The following CCDC157 variants were observed in gnomAD, a reference collection of about 807,000 sequenced individuals.
CCDC157 encodes the protein coiled-coil domain-containing protein 157.
A neutral mutation model predicts 70.9 loss-of-function variants in CCDC157; 60 were observed. The ratio of observed to expected loss-of-function variants is 0.85; its 90% confidence interval spans 0.69 to 1.05. The LOEUF is 1.05. CCDC157 is among the 50% of genes least tolerant of loss of function. The probability of loss-of-function intolerance (pLI) is 0.00; values close to 1 mark genes in which losing one functional copy is unlikely to be tolerated. For synonymous variants in CCDC157, 373 were observed against 422.4 expected, an observed-to-expected ratio of 0.88 and a Z score of 1.43; for missense variants, 943 against 984.2, an observed-to-expected ratio of 0.96 and a Z score of 0.56.
intron 5 of CCDC157, chr22:30,371,423 C>T (rs1302744493): frequency 1.1e-5 from 6 of 566,480 alleles, no homozygotes; most frequent in African/African-American, 7.5e-5. Flanking sequence ...CCTCCATGGA[C>T]GACACCAAGG....
chr22:30,364,883 T>A (rs561743879), intron 2 of CCDC157, among the ~76,000 whole-genome samples: 1 of 152,310 alleles, frequency 6.6e-6, no homozygotes, highest in Non-Finnish European at 1.5e-5. Context: ...CAATAGGTCT[T>A]AATGCAAGTT....
chr22:30,357,954 A>G (rs1433856013), intron 1 of CCDC157, among the ~76,000 whole-genome samples: 1 of 152,072 alleles, frequency 6.6e-6, no homozygotes, highest in African/African-American at 2.4e-5. Flanking sequence ...ATGAGCCATC[A>G]CGCAGGGCTG....
rs750630868 is a variant in CCDC157, at chr22:30,376,745, G to A, written c.2259G>A (p.Ter753=). Residue 753 remains the stop codon, a stop_retained_variant, in exon 12 of 12, where the codon TAG becomes TAA. Transcript: ENST00000338306. The part of the protein sequence containing the change: ...SAHQPQERPM[*] ...ACCAGCCCCAGGAGCGGCCCATGTA[G>A]CCTGTGGCCCAGGGCTGAGGCTGGA... 13 of 1,609,810 alleles carry A rather than the reference G, an allele frequency of 8.1e-6. No homozygotes were observed. Among genetic ancestry groups the A allele is most frequent in the Non-Finnish European group, 1.1e-5 (13 of 1,177,636 alleles).
In CCDC157 at chr22:30,369,432, G is replaced by C. The variant is rs770994150; in HGVS notation, c.249G>C (p.Arg83Ser). ...AGCAACCTAGCATCTCTGCCCGCAG[G>C]CTCCTGCTGCTGCTTCAAAGCTGTA... ...HAVLLELVID[R>S]LLLLLQSCMS... The change falls in exon 4 of 12, where the codon AGG becomes AGC. Residue 83 changes from arginine (R) to serine (S), a missense_variant and splice_region_variant. Transcript: ENST00000338306. The C allele has an allele frequency of 3.8e-5, 58 of 1,511,672 alleles. No individual in the cohort carries two copies. The highest frequency in any genetic ancestry group is 5.1e-5 in the Non-Finnish European group (57 of 1,123,700). The allele number at this position is 1,511,672 out of a possible 1,614,324, so 93.6% of individuals were successfully genotyped here. A position where few individuals can be genotyped will look rare whatever the true frequency, so the allele number is the denominator to read the frequency against.
In CCDC157 at chr22:30,366,520, C is replaced by A. The variant is rs976510535; in HGVS notation, c.248+272C>A. The stretch of plus-strand genomic sequence containing the variant: ...TCCATTCCATCGGTCTCTGTGGCAC[C>A]ACAGCTGTGACCACGGTCTCTCAGC... On this transcript the variant is annotated intron_variant, in intron 3 of 11. Coordinates refer to ENST00000338306, the MANE Select transcript of CCDC157 (RefSeq NM_001017437.5). 7.6e-6 allele frequency: 4 copies of A among 524,174 alleles called. No individual in the cohort carries two copies. In the African/African-American group the frequency reaches 7.7e-5, roughly 10 times the overall value. 32.5% of individuals were successfully genotyped at this position (524,174 alleles called of 1,614,324 possible).
chr22:30,360,737 C>G (rs1249883043), intron 1 of CCDC157, among the ~76,000 whole-genome samples: 1 of 151,890 alleles, frequency 6.6e-6, no homozygotes, highest in Non-Finnish European at 1.5e-5. Flanking sequence ...TATGGTGAAA[C>G]CCTGCCTCTA....
rs762811184 is a variant in CCDC157 at position 30,370,858 on chromosome 22, T to G, written c.953T>G (p.Leu318Arg). ...CAGGCGGGCAAGCTGGAGCAGGCGC[T>G]GAAACAGGAGCAGGGGGCACGGCGG... Reference protein sequence around the residue: ...RKQAGKLEQALKQEQGARRRQ... With the variant: ...RKQAGKLEQARKQEQGARRRQ... Residue 318 changes from leucine to arginine, a missense_variant, in exon 5 of 12, where the codon CTG (leucine) becomes CGG (arginine). Coordinates refer to ENST00000338306, the MANE Select transcript of CCDC157 (RefSeq NM_001017437.5). The G allele has an allele frequency of 6.2e-7, 1 of 1,612,296 alleles. No individual in the cohort carries two copies. Among genetic ancestry groups the G allele is most frequent in the South Asian group, 1.1e-5 (1 of 91,020 alleles).
intron 4 of CCDC157, 149 bp downstream of exon 4, chr22:30,369,752 GC>G: frequency 1.6e-6 from 1 of 607,374 alleles, no homozygotes; most frequent in Non-Finnish European, 2.6e-6. Flanking sequence ...TCCCAATCAA[GC>G]CCCACACAGT....
rs753290167 is a variant in CCDC157, at chr22:30,376,619, G to A, written c.2133G>A (p.Glu711=). The A allele has an allele frequency of 2.5e-6, 4 of 1,613,816 alleles. No homozygotes were observed. The Admixed American group carries it at 6.7e-5, about 27-fold the overall frequency. Residue 711 remains glutamate, a synonymous_variant, in exon 12 of 12, where the codon GAG becomes GAA. Transcript: ENST00000338306. ...GCCAGCCCAGCAAGTCCTTGCTGGAGGGTGTGACCCACTTGGACACCTGCA... is the reference window on the plus strand; with the variant it reads ...GCCAGCCCAGCAAGTCCTTGCTGGAAGGTGTGACCCACTTGGACACCTGCA... The part of the protein sequence containing the change: ...PCSQPSKSLL[E]GVTHLDTCTQ...
chr22:30,370,775 G>A lies in CCDC157; in HGVS notation c.870G>A (p.Val290=), dbSNP rs765243365. Residue 290 remains valine (V), a synonymous_variant, in exon 5 of 12, where the codon GTG becomes GTA. Transcript: ENST00000338306. The part of the protein sequence containing the change: ...RKDLTRLSKH[V]EALRAQLEEA... ...ACCTGACGCGCCTCAGTAAGCATGT[G>A]GAGGCCCTCAGGGCCCAGCTGGAGG... 30 of 1,613,478 alleles carry A rather than the reference G, an allele frequency of 1.9e-5. No homozygotes were observed. The highest frequency in any genetic ancestry group is 2.5e-5 in the Non-Finnish European group (29 of 1,180,008).
At chr22:30,363,276 G>A (rs951568844) in intron 2 of CCDC157, among the ~76,000 whole-genome samples, 9 of 152,210 alleles carry the variant, frequency 5.9e-5, no homozygotes, top group African/African-American at 2.2e-4. Flanking sequence ...GCAGAAGATG[G>A]ACCAGAAGCA....
chr22:30,376,810 C>A lies in CCDC157; in HGVS notation c.*65C>A. On this transcript the variant is annotated 3_prime_UTR_variant, in exon 12 of 12. Transcript: ENST00000338306. ...CAGCCCACCCACTGTAATAAAGCCC[C>A]AGCCATTGGCCCACAGCAATCTTTG... The A allele has an allele frequency of 6.8e-7, 1 of 1,461,908 alleles. No individual in the cohort carries two copies. Among genetic ancestry groups the A allele is most frequent in the South Asian group, 1.2e-5 (1 of 80,388 alleles). The allele number at this position is 1,461,908 out of a possible 1,614,324, so 90.6% of individuals were successfully genotyped here. A position where few individuals can be genotyped will look rare whatever the true frequency, so the allele number is the denominator to read the frequency against.
Position 30,366,154 on chromosome 22 carries a change from A to T in CCDC157, c.154A>T (p.Met52Leu), listed in dbSNP as rs1932717833. 1.2e-6 allele frequency: 2 copies of T among 1,613,712 alleles called. No homozygotes were observed. Among genetic ancestry groups the T allele is most frequent in the Non-Finnish European group, 8.5e-7 (1 of 1,180,028 alleles). The change falls in exon 3 of 12, where the codon ATG (methionine) becomes TTG (leucine). Residue 52 changes from methionine to leucine, a missense_variant. Physicochemically the swap from Met to Leu is conservative, Grantham distance 15. Coordinates refer to ENST00000338306, the MANE Select transcript of CCDC157 (RefSeq NM_001017437.5). ...FPDRMACDLDMVALLEHYDHV... is the reference protein window; with the variant it reads ...FPDRMACDLDLVALLEHYDHV... ...TGACCGCATGGCCTGTGACCTCGACATGGTGGCCCTGCTGGAGCACTATGA... is the reference window on the plus strand; with the variant it reads ...TGACCGCATGGCCTGTGACCTCGACTTGGTGGCCCTGCTGGAGCACTATGA...
rs2286442 is a variant in CCDC157 at position 30,376,697 on chromosome 22, C to T, written c.2211C>T (p.Gly737=). 0.11 allele frequency: 184,968 copies of T among 1,613,194 alleles called. 11,684 individuals are homozygous for T. The highest frequency in any genetic ancestry group is 0.22 in the Admixed American group (12,969 of 60,006). ...GGCTGAGAAAGAGACTGTCACCTGGCCGGGGACAGGCCAGCTCTGCACACC... is the reference window on the plus strand; with the variant it reads ...GGCTGAGAAAGAGACTGTCACCTGGTCGGGGACAGGCCAGCTCTGCACACC... ...LVRLRKRLSP[G]RGQASSAHQP... is the part of the protein sequence containing the mutation. The change falls in exon 12 of 12, where the codon GGC becomes GGT. Residue 737 remains glycine (G), a synonymous_variant. Coordinates refer to ENST00000338306, the MANE Select transcript of CCDC157 (RefSeq NM_001017437.5).
At chr22:30,363,732 A>G (rs1407166674) in intron 2 of CCDC157, among the ~76,000 whole-genome samples, 1 of 137,244 alleles carries the variant, frequency 7.3e-6, no homozygotes, top group Non-Finnish European at 1.5e-5. Flanking sequence ...TCTGTCACCC[A>G]GGCTGGAGTG....
chr22:30,361,075 T>C (rs1462013024), intron 1 of CCDC157, among the ~76,000 whole-genome samples: 1 of 151,090 alleles, frequency 6.6e-6, no homozygotes, highest in African/African-American at 2.4e-5. Context: ...ATTAAAAATT[T>C]AAAAAATAAT....
intron 3 of CCDC157, among the ~76,000 whole-genome samples, chr22:30,368,289 T>A (rs370016516): frequency 2.6e-5 from 4 of 152,200 alleles, no homozygotes; most frequent in African/African-American, 7.2e-5. Flanking sequence ...CATTACACTG[T>A]CCCTCTGCTA....
At chr22:30,373,235 T>G (rs1197949722) in intron 7 of CCDC157, 1 of 244,646 alleles carries the variant, frequency 4.1e-6, no homozygotes, top group Non-Finnish European at 8.1e-6. Context: ...CATGGGATGA[T>G]GTGACACTGG....
At position 30,370,449 on chromosome 22, in the gene CCDC157, C is replaced by G. The variant is rs1446998001; in HGVS notation, c.544C>G (p.Gln182Glu). ...KPSSPVLGLP[Q>E]TCQEPESIPV... ...CTCCTCCCCAGTGCTAGGCTTGCCC[C>G]AGACCTGCCAAGAGCCAGAGAGCAT... The change falls in exon 5 of 12, where the codon CAG (glutamine) becomes GAG (glutamate). Residue 182 changes from glutamine to glutamate, a missense_variant. By Grantham distance (29) the Gln-to-Glu change is conservative (BLOSUM62 2). Transcript: ENST00000338306. 3 of 1,614,132 alleles carry G rather than the reference C, an allele frequency of 1.9e-6. No homozygotes were observed. In the African/African-American group the frequency reaches 4.0e-5, roughly 22 times the overall value.
Sources: allele counts gnomAD v4.1 joint callset (sites outside exome capture counted in the v4.1 genomes callset), GRCh38; gene constraint gnomAD v4.1.1; transcripts MANE v1.5; gene names NCBI Gene and HGNC (gene_info 2026-07-23, HGNC 2026-07-21).